The following CREB5 variants were observed in gnomAD, a reference collection of about 807,000 sequenced individuals.
CREB5 encodes cyclic AMP-responsive element-binding protein 5.
In CREB5, 19 loss-of-function variants were observed where a neutral mutation model predicts 57.1. That is an observed-to-expected ratio of 0.33 (90% CI 0.23 to 0.49). CREB5 has a LOEUF of 0.49. CREB5 is among the 20% of genes least tolerant of loss of function. The pLI, the probability that CREB5 is intolerant of heterozygous loss-of-function variation, is 0.99. For synonymous variants in CREB5, 238 were observed against 238.3 expected (o/e 1.00, Z 0.01); for missense variants, 579 against 671.6 (o/e 0.86, Z 1.52).
chr7:28,545,650 A>G (rs891694345), intron 4 of CREB5, among the ~76,000 whole-genome samples: 6 of 152,204 alleles, frequency 3.9e-5, no homozygotes, highest in Admixed American at 2.6e-4. Context: ...TTGTTTTCAA[A>G]CCTCAGGTAC....
chr7:28,408,816 A>G (rs1787648453), upstream of CREB5, among the ~76,000 whole-genome samples: 1 of 152,104 alleles, frequency 6.6e-6, no homozygotes. Flanking sequence ...AAAAGCCAGG[A>G]TGCAGGGAGC....
intron 7 of CREB5, among the ~76,000 whole-genome samples, chr7:28,770,004 C>T (rs1806234143): frequency 6.6e-6 from 1 of 152,216 alleles, no homozygotes; most frequent in South Asian, 2.1e-4. Flanking sequence ...ACAACTGTGT[C>T]CAGAGTGAGC....
At chr7:28,537,809 A>C (rs1794024868) in intron 4 of CREB5, among the ~76,000 whole-genome samples, 1 of 152,178 alleles carries the variant, frequency 6.6e-6, no homozygotes, top group Non-Finnish European at 1.5e-5. Context: ...TCTTTTTGGC[A>C]TCCATTCTTT....
At chr7:28,700,450 A>G (rs1472942123) in intron 5 of CREB5, among the ~76,000 whole-genome samples, 2 of 152,228 alleles carry the variant, frequency 1.3e-5, no homozygotes, top group Admixed American at 6.5e-5. Flanking sequence ...ATGATCTTTT[A>G]TTCACGCTAG....
intron 5 of CREB5, among the ~76,000 whole-genome samples, chr7:28,713,868 T>A (rs1450181675): frequency 6.6e-6 from 1 of 152,214 alleles, no homozygotes; most frequent in Non-Finnish European, 1.5e-5. Context: ...AAGCTTTTTG[T>A]TTTTTAATTC....
At chr7:28,436,637 A>G (rs552189728) in intron 1 of CREB5, among the ~76,000 whole-genome samples, 6 of 152,282 alleles carry the variant, frequency 3.9e-5, no homozygotes, top group African/African-American at 1.2e-4. Flanking sequence ...ATTAGATGCA[A>G]TTGTCATTTT....
At chr7:28,758,502 C>T (rs1438570018) in intron 7 of CREB5, among the ~76,000 whole-genome samples, 3 of 152,128 alleles carry the variant, frequency 2.0e-5, no homozygotes, top group Non-Finnish European at 4.4e-5. Context: ...TTAGTTGTGA[C>T]TGAACTAGCT....
chr7:28,489,746 A>G (rs1428849159), intron 2 of CREB5, among the ~76,000 whole-genome samples: 1 of 152,214 alleles, frequency 6.6e-6, no homozygotes, highest in Non-Finnish European at 1.5e-5. Context: ...AGGTTCTAGA[A>G]GTTTCACCAG....
intron 5 of CREB5, chr7:28,615,705 A>G (rs1212158202): frequency 6.6e-6 from 1 of 152,352 alleles, no homozygotes; most frequent in Non-Finnish European, 1.5e-5. Flanking sequence ...AGGAGAAATC[A>G]TGACTAACCT....
intron 1 of CREB5, among the ~76,000 whole-genome samples, chr7:28,423,243 A>G (rs899572237): frequency 2.6e-4 from 40 of 152,322 alleles, no homozygotes; most frequent in African/African-American, 8.7e-4. Flanking sequence ...ACCCTGTCTG[A>G]GCCTAAATTC....
intron 5 of CREB5, among the ~76,000 whole-genome samples, chr7:28,578,892 C>T (rs1367079337): frequency 1.3e-5 from 2 of 152,118 alleles, no homozygotes; most frequent in Non-Finnish European, 2.9e-5. Flanking sequence ...TAGCATTTTA[C>T]CTTTGATTGA....
At chr7:28,740,898 G>A (rs1201319345) in intron 7 of CREB5, among the ~76,000 whole-genome samples, 4 of 151,704 alleles carry the variant, frequency 2.6e-5, no homozygotes, top group Non-Finnish European at 4.4e-5. Context: ...TATTTACTCA[G>A]GCAAAAAAAT....
chr7:28,616,953 T>C (rs1797618043), intron 5 of CREB5, among the ~76,000 whole-genome samples: 1 of 152,226 alleles, frequency 6.6e-6, no homozygotes, highest in Non-Finnish European at 1.5e-5. Flanking sequence ...GCATAAAGCT[T>C]AGGCGTAGAC....
At chr7:28,601,426 G>T (rs1258348911) in intron 5 of CREB5, among the ~76,000 whole-genome samples, 1 of 152,162 alleles carries the variant, frequency 6.6e-6, no homozygotes, top group African/African-American at 2.4e-5. Flanking sequence ...TCTAGAAGCA[G>T]CCCCTCAGGT....
intron 4 of CREB5, among the ~76,000 whole-genome samples, chr7:28,561,934 T>C (rs549556550): frequency 6.6e-6 from 1 of 152,276 alleles, no homozygotes; most frequent in Admixed American, 6.5e-5. Context: ...TTAGTAGTGA[T>C]GGGTTTTCGC....
chr7:28,555,109 T>TTGTG (rs58647223), intron 4 of CREB5, among the ~76,000 whole-genome samples: 47 of 148,914 alleles, frequency 3.2e-4, no homozygotes, highest in African/African-American at 1.0e-3. Context: ...ATAAGCTGCA[T>TTGTG]TGTGTGTGTG....
intron 1 of CREB5, 112 bp from the exon 2 acceptor site, chr7:28,488,063 A>C (rs1791645117): frequency 2.3e-5 from 19 of 841,288 alleles, no homozygotes; most frequent in Non-Finnish European, 3.7e-5. Context: ...TAATTTTGGT[A>C]TTGGCATAGA....
At chr7:28,708,016 C>T (rs1196548265) in intron 5 of CREB5, among the ~76,000 whole-genome samples, 3 of 152,190 alleles carry the variant, frequency 2.0e-5, no homozygotes, top group Non-Finnish European at 4.4e-5. Context: ...CCTCCCCCTT[C>T]TCCCCATGAT....
intron 1 of CREB5, among the ~76,000 whole-genome samples, chr7:28,453,139 G>A (rs771664595): frequency 2.0e-5 from 3 of 152,118 alleles, no homozygotes; most frequent in African/African-American, 7.2e-5. Context: ...TTAAAATCAT[G>A]CAAAAATACA....
Sources: allele counts gnomAD v4.1 joint callset (sites outside exome capture counted in the v4.1 genomes callset), GRCh38; gene constraint gnomAD v4.1.1; transcripts MANE v1.5; gene names NCBI Gene and HGNC (gene_info 2026-07-23, HGNC 2026-07-21).